Variants in TMEM164 observed in about 807,000 individuals in gnomAD.
The protein encoded by TMEM164 is transmembrane protein 164, also known as RP13-360B22.2.
In TMEM164, 4 loss-of-function variants were observed where a neutral mutation model predicts 18.8. That is an observed-to-expected ratio of 0.21 (90% CI 0.10 to 0.49). The LOEUF (loss-of-function observed/expected upper bound fraction) is 0.49. Among genes scored for constraint, TMEM164 ranks in the 20% least tolerant of loss-of-function variants. The probability of loss-of-function intolerance (pLI) is 0.98; values close to 1 mark genes in which losing one functional copy is unlikely to be tolerated. For synonymous variants in TMEM164, 86 were observed against 101.7 expected (o/e 0.85, Z 0.93); for missense variants, 108 against 239.9 (o/e 0.45, Z 3.63).
intron 3 of TMEM164, among the ~76,000 whole-genome samples, chrX:110,086,060 T>C (rs2065847387): frequency 8.9e-6 from 1 of 112,222 alleles, no homozygotes; most frequent in South Asian, 3.7e-4. Context: ...GCTGCATGAA[T>C]TGGCCAGATT....
chrX:110,104,101 A>G (rs778674233), intron 3 of TMEM164, among the ~76,000 whole-genome samples: 53 of 112,392 alleles, frequency 4.7e-4, no homozygotes, highest in African/African-American at 1.6e-3. Flanking sequence ...CTACTCTAAA[A>G]TATACACAAT....
intron 2 of TMEM164, among the ~76,000 whole-genome samples, chrX:110,014,879 G>A (rs1005106940): frequency 9.1e-6 from 1 of 109,520 alleles, no homozygotes; most frequent in African/African-American, 3.4e-5. Context: ...GAGCTCCTGG[G>A]TGAAAGGCAG....
chrX:110,116,746 C>T (rs1380812249), intron 4 of TMEM164, among the ~76,000 whole-genome samples: 1 of 111,106 alleles, frequency 9.0e-6, no homozygotes, highest in Non-Finnish European at 1.9e-5. Context: ...ACACATATCT[C>T]ACCCTAGTGT....
At chrX:110,045,783 T>G (rs192480367) in intron 2 of TMEM164, among the ~76,000 whole-genome samples, 2 of 111,796 alleles carry the variant, frequency 1.8e-5, no homozygotes, top group East Asian at 5.6e-4. Flanking sequence ...CCTAGCTAGT[T>G]TTTTGAAGGG....
At chrX:110,108,529 A>C (rs2066245788) in intron 3 of TMEM164, among the ~76,000 whole-genome samples, 1 of 111,833 alleles carries the variant, frequency 8.9e-6, no homozygotes, top group South Asian at 3.7e-4. Context: ...AAGGCTGCCC[A>C]CTTTTGCTCC....
intron 5 of TMEM164, among the ~76,000 whole-genome samples, chrX:110,152,215 C>T (rs2066952478): frequency 9.2e-6 from 1 of 109,105 alleles, no homozygotes; most frequent in East Asian, 2.9e-4. Context: ...GCCACCACGC[C>T]CGGCTAATTT....
chrX:110,038,152 G>A (rs1184868068), intron 2 of TMEM164, among the ~76,000 whole-genome samples: 7 of 108,193 alleles, frequency 6.5e-5, no homozygotes, highest in African/African-American at 1.0e-4. Context: ...CACTACGCCC[G>A]GCTAATTTTT....
At chrX:110,126,055 A>G (rs894081961) in intron 4 of TMEM164, among the ~76,000 whole-genome samples, 5 of 112,449 alleles carry the variant, frequency 4.4e-5, no homozygotes, top group Non-Finnish European at 9.4e-5. Context: ...GAAGCTGAAC[A>G]TGCTCATCTA....
Position 110,108,741 on chromosome X carries a change from A to T in TMEM164, c.441-339A>T, listed in dbSNP as rs1602639967. Among the ~76,000 whole-genome samples, 3 of 111,933 alleles carry T rather than the reference A, an allele frequency of 2.7e-5. No homozygotes were observed. In the South Asian group the frequency reaches 1.1e-3, roughly 42 times the overall value. ...TTACCTCCCGCAGTTCCCCTTTTCTAATGCCGCCCAAGCTGTAGCAGTTGA... is the reference window on the plus strand; with the variant it reads ...TTACCTCCCGCAGTTCCCCTTTTCTTATGCCGCCCAAGCTGTAGCAGTTGA... On this transcript the variant is annotated intron_variant, in intron 3 of 6. Transcript: ENST00000372068.
intron 4 of TMEM164, among the ~76,000 whole-genome samples, chrX:110,138,855 C>T (rs954255523): frequency 5.4e-5 from 6 of 112,058 alleles, no homozygotes; most frequent in Non-Finnish European, 9.4e-5. Flanking sequence ...CACATAAAGA[C>T]GCCATGTGGG....
At chrX:110,130,544 CA>C (rs1239468694) in intron 4 of TMEM164, among the ~76,000 whole-genome samples, 1 of 111,307 alleles carries the variant, frequency 9.0e-6, no homozygotes, top group Non-Finnish European at 1.9e-5. Context: ...CCAGTCACAT[CA>C]TAAAAAATAC....
At chrX:110,160,109 T>C (rs996119824) in intron 5 of TMEM164, among the ~76,000 whole-genome samples, 1 of 112,002 alleles carries the variant, frequency 8.9e-6, no homozygotes, top group African/African-American at 3.3e-5. Flanking sequence ...CCTCTCTTCA[T>C]CCTTGTGATG....
intron 2 of TMEM164, among the ~76,000 whole-genome samples, chrX:110,064,833 T>TAAAAAATAAAAATAAAAAG (rs1936260648): frequency 9.4e-6 from 1 of 106,166 alleles, no homozygotes; most frequent in Admixed American, 1.0e-4. Flanking sequence ...AAAATAAAAA[T>TAAAAAATAAAAATAAAAAG]AAAAAATAAA....
intron 2 of TMEM164, among the ~76,000 whole-genome samples, chrX:110,059,813 TG>T (rs1936026716): frequency 9.0e-6 from 1 of 111,288 alleles, no homozygotes; most frequent in South Asian, 3.7e-4. Flanking sequence ...TCTTCCAGTG[TG>T]GCTCAGGGAA....
At chrX:110,124,204 C>CAGGCAGGA (rs1371067745) in intron 4 of TMEM164, among the ~76,000 whole-genome samples, 5 of 109,048 alleles carry the variant, frequency 4.6e-5, no homozygotes, top group East Asian at 2.9e-4. Flanking sequence ...GGCAGGCAGG[C>CAGGCAGGA]AGGCAGGAAG....
At chrX:110,089,260 A>G (rs1250771001) in intron 3 of TMEM164, among the ~76,000 whole-genome samples, 1 of 112,239 alleles carries the variant, frequency 8.9e-6, no homozygotes, top group Non-Finnish European at 1.9e-5. Context: ...CTGTAGGTAT[A>G]GATTTCGGCT....
intron 4 of TMEM164, among the ~76,000 whole-genome samples, chrX:110,123,399 A>G (rs774946670): frequency 7.2e-5 from 8 of 111,747 alleles, no homozygotes; most frequent in Non-Finnish European, 1.3e-4. Flanking sequence ...GAATGTTGAA[A>G]AGGGCTGGAA....
upstream of TMEM164, among the ~76,000 whole-genome samples, chrX:110,002,416 G>T (rs955834059): frequency 1.8e-5 from 2 of 110,590 alleles, no homozygotes; most frequent in East Asian, 2.9e-4. Flanking sequence ...GAGGAGGGAG[G>T]AGGAGGAGGG....
chrX:110,043,099 GA>G (rs1935166269), intron 2 of TMEM164, among the ~76,000 whole-genome samples: 1 of 112,480 alleles, frequency 8.9e-6, no homozygotes, highest in Non-Finnish European at 1.9e-5. Flanking sequence ...AAGGAGTTGG[GA>G]AGAGATGTAC....
Sources: gnomAD v4.1 joint callset for allele counts (sites outside exome capture counted in the v4.1 genomes callset) on GRCh38, gnomAD v4.1.1 for gene constraint, MANE v1.5 for transcripts, NCBI Gene and HGNC (gene_info 2026-07-23, HGNC 2026-07-21) for gene names.